Variants in NKD2 observed in about 807,000 individuals in gnomAD.
The protein encoded by NKD2 is protein naked cuticle homolog 2.
NKD2 carries 43 observed loss-of-function variants against 34.8 expected under a neutral mutation model. That is an observed-to-expected ratio of 1.24 (90% CI 0.97 to 1.60). The LOEUF is 1.60. Among genes scored for constraint, NKD2 ranks in the 40% most tolerant of loss-of-function variants. The pLI, the probability that NKD2 is intolerant of heterozygous loss-of-function variation, is 0.00. For synonymous variants in NKD2, 278 were observed against 265.1 expected (o/e 1.05, Z -0.47); for missense variants, 675 against 627.1 (o/e 1.08, Z -0.82).
chr5:1,037,921 C>G lies in NKD2; in HGVS notation c.904C>G (p.Leu302Val). Residue 302 changes from leucine to valine, a missense_variant, in exon 10 of 10, where the codon CTG (leucine) becomes GTG (valine). By Grantham distance (32) the Leu-to-Val change is conservative. Coordinates refer to ENST00000296849, the MANE Select transcript of NKD2 (RefSeq NM_033120.4). Reference sequence around the variant, plus strand: ...CGTACACCACCGCAGGTCACAGGTGCTGGTGGAACACGTCGTGCCAGCCTC... The same window carrying G: ...CGTACACCACCGCAGGTCACAGGTGGTGGTGGAACACGTCGTGCCAGCCTC... ...HAVHHRRSQV[L>V]VEHVVPASEP... 1 of 1,607,450 alleles carries G rather than the reference C, an allele frequency of 6.2e-7. No individual in the cohort carries two copies. Among genetic ancestry groups the G allele is most frequent in the Non-Finnish European group, 8.5e-7 (1 of 1,179,442 alleles).
Position 1,038,294 on chromosome 5 carries a change from C to T in NKD2, c.1277C>T (p.Pro426Leu). ...CCAGCAGGAGAGGGCTACGCGGTGC[C>T]AGTGATCCAGCGGCACGAGCACCAC... is the stretch of plus-strand genomic sequence containing the variant. Reference protein sequence around the residue: ...PTPAGEGYAVPVIQRHEHHHH... With the variant: ...PTPAGEGYAVLVIQRHEHHHH... The change falls in exon 10 of 10, where the codon CCA becomes CTA. Residue 426 changes from proline (P) to leucine (L), a missense_variant. Transcript: ENST00000296849. This position sits in a 1 kb window ranked among gnomAD's most constrained non-coding sequence, Gnocchi z 4.5. 3 of 1,553,856 alleles carry T rather than the reference C, an allele frequency of 1.9e-6. No individual in the cohort carries two copies. The highest frequency in any genetic ancestry group is 2.4e-5 in the East Asian group (1 of 42,148).
intron 3 of NKD2, among the ~76,000 whole-genome samples, chr5:1,030,018 G>GT (rs1441261511): frequency 6.6e-6 from 1 of 150,666 alleles, no homozygotes; most frequent in Non-Finnish European, 1.5e-5. Flanking sequence ...TGTGGTGCGG[G>GT]GGGGGGGGTA....
At chr5:1,035,721 C>A in intron 8 of NKD2, 1 of 544,378 alleles carries the variant, frequency 1.8e-6, no homozygotes, top group Admixed American at 3.5e-5. Flanking sequence ...GCCTTGACAC[C>A]CTCAGTCTGG....
intron 3 of NKD2, among the ~76,000 whole-genome samples, chr5:1,020,706 G>A (rs1404167498): frequency 2.9e-5 from 4 of 138,344 alleles, no homozygotes; most frequent in African/African-American, 8.5e-5. Context: ...TGTGTTTTAC[G>A]TTGGGGTTTA....
At chr5:1,029,603 A>G (rs984291333) in intron 3 of NKD2, among the ~76,000 whole-genome samples, 1 of 152,136 alleles carries the variant, frequency 6.6e-6, no homozygotes, top group African/African-American at 2.4e-5. Flanking sequence ...CTGCGTTTAC[A>G]TTTTCACTGT....
At position 1,023,453 on chromosome 5, in the gene NKD2, C is replaced by T. The variant is rs75169861; in HGVS notation, c.142-8699C>T. ...CCCTGCTCTTCCCACCCTCTGTGGG[C>T]GTCTCAGCCCGTTGTCCCTGCTCTT... is the stretch of plus-strand genomic sequence containing the variant. On this transcript the variant is annotated intron_variant, in intron 3 of 9. Transcript: ENST00000296849. Among the ~76,000 whole-genome samples the T allele has an allele frequency of 4.2e-4, 4 of 9,464 alleles. 1 individual carries two copies. Among genetic ancestry groups the T allele is most frequent in the Non-Finnish European group, 1.8e-3 (2 of 1,126 alleles). 6.2% of individuals were successfully genotyped at this position (9,464 alleles called of 152,430 possible). A position where few individuals can be genotyped will look rare whatever the true frequency, so the allele number is the denominator to read the frequency against.
chr5:1,034,971 G>A (rs548779736), intron 7 of NKD2, 68 bp downstream of exon 7: 42 of 1,391,416 alleles, frequency 3.0e-5, no homozygotes, highest in African/African-American at 2.9e-4. Flanking sequence ...CTGTGTGCGC[G>A]GGACAGGGAG....
At chr5:1,033,092 C>G (rs1756708235) in intron 4 of NKD2, among the ~76,000 whole-genome samples, 1 of 152,138 alleles carries the variant, frequency 6.6e-6, no homozygotes. Context: ...GGCTATGTTC[C>G]CCTATCTGTG....
In NKD2 at chr5:1,009,483, G is replaced by T; in HGVS notation, c.64G>T (p.Asp22Tyr). 6.7e-7 allele frequency: 1 copy of T among 1,500,810 alleles called. No homozygotes were observed. Among genetic ancestry groups the T allele is most frequent in the Non-Finnish European group, 8.8e-7 (1 of 1,132,922 alleles). 93.0% of individuals were successfully genotyped at this position (1,500,810 alleles called of 1,614,324 possible). The change falls in exon 3 of 10, where the codon GAC (aspartate) becomes TAC (tyrosine). Residue 22 changes from aspartate to tyrosine, a missense_variant and splice_region_variant. Asp to Tyr is a radical substitution (Grantham distance 160). Transcript: ENST00000296849. The surrounding 1 kb of genome is among the most constrained non-coding windows in gnomAD (Gnocchi z 6.9). ...GCGCGTCCGCCCCCGGACCGCAGGGGACAGCTTCGTGGCGTCCGCGTACGC... is the reference window on the plus strand; with the variant it reads ...GCGCGTCCGCCCCCGGACCGCAGGGTACAGCTTCGTGGCGTCCGCGTACGC... ...ARKRRESPEG[D>Y]SFVASAYASG... is the part of the protein sequence containing the mutation.
chr5:1,011,445 T>C (rs905526996), intron 3 of NKD2, among the ~76,000 whole-genome samples: 2 of 152,216 alleles, frequency 1.3e-5, no homozygotes, highest in African/African-American at 4.8e-5. Flanking sequence ...CTCACCTTCT[T>C]CTTTTGTGTT....
At chr5:1,037,520 G>C (rs1028698187) in intron 9 of NKD2, 3 of 1,535,600 alleles carry the variant, frequency 2.0e-6, no homozygotes, top group Admixed American at 3.9e-5. Context: ...CCCCAAGCAG[G>C]GTCTCAGCTG....
intron 3 of NKD2, among the ~76,000 whole-genome samples, chr5:1,012,759 G>A (rs1251649039): frequency 1.3e-5 from 2 of 152,000 alleles, no homozygotes; most frequent in African/African-American, 4.8e-5. Flanking sequence ...CAGAGGCAGG[G>A]GTGGGGCTGC....
chr5:1,032,348 C>T (rs928877896), intron 4 of NKD2, 136 bp downstream of exon 4: 17 of 705,682 alleles, frequency 2.4e-5, no homozygotes, highest in East Asian at 5.6e-5. Flanking sequence ...GCACTTTGTT[C>T]TTAAAAAGCC....
At position 1,035,450 on chromosome 5, in the gene NKD2, CAGG is replaced by C. The variant is rs1485493980; in HGVS notation, c.640_642del (p.Arg214del). On this transcript the variant is annotated inframe_deletion, in exon 8 of 10. Coordinates refer to ENST00000296849, the MANE Select transcript of NKD2 (RefSeq NM_033120.4). ...TGGCAGAGGAGCCAAGGGTGGCTGA[CAGG>C]AGGTTGTCTGCACACGTCAGGTGAG... 1 of 1,557,026 alleles carries C rather than the reference CAGG, an allele frequency of 6.4e-7. No individual in the cohort carries two copies.
intron 3 of NKD2, among the ~76,000 whole-genome samples, chr5:1,012,700 A>G (rs16870584): frequency 0.12 from 18,257 of 152,206 alleles, 1,251 homozygotes; most frequent in African/African-American, 0.18. Context: ...TCCGACTGGA[A>G]CCAGCCACAG....
At chr5:1,015,742 G>A (rs1453920237) in intron 3 of NKD2, among the ~76,000 whole-genome samples, 2 of 152,196 alleles carry the variant, frequency 1.3e-5, no homozygotes, top group Admixed American at 6.5e-5. Flanking sequence ...ACTGCAGATC[G>A]GCCTGTCCAT....
intron 8 of NKD2, chr5:1,035,965 TCC>T: frequency 2.2e-6 from 1 of 447,062 alleles, no homozygotes; most frequent in South Asian, 5.5e-5. Flanking sequence ...GCTACAGTGG[TCC>T]CAGAGTGGTG....
intron 3 of NKD2, among the ~76,000 whole-genome samples, chr5:1,022,783 A>C (rs1298717658): frequency 3.2e-4 from 1 of 3,168 alleles, no homozygotes; most frequent in African/African-American, 3.4e-4. Context: ...TGCTCTTCCC[A>C]CCCGCTAGTG....
chr5:1,031,507 G>A (rs1756643352), intron 3 of NKD2, among the ~76,000 whole-genome samples: 1 of 152,174 alleles, frequency 6.6e-6, no homozygotes, highest in South Asian at 2.1e-4. Flanking sequence ...CCAGGGCGGT[G>A]TGTGCTGGGC....
Sources: allele counts gnomAD v4.1 joint callset (sites outside exome capture counted in the v4.1 genomes callset), GRCh38; gene constraint gnomAD v4.1.1; non-coding constraint Gnocchi (gnomAD v3.1); transcripts MANE v1.5; gene names NCBI Gene and HGNC (gene_info 2026-07-23, HGNC 2026-07-21).